The following CER1 variants were observed in gnomAD, a reference collection of about 807,000 sequenced individuals.
The protein encoded by CER1 is cerberus.
In CER1, 10 loss-of-function variants were observed where a neutral mutation model predicts 11.8. The ratio of observed to expected loss-of-function variants is 0.85; its 90% confidence interval spans 0.52 to 1.44. CER1 has a LOEUF of 1.44. CER1 is among the 40% of genes most tolerant of loss of function. The probability of loss-of-function intolerance (pLI) is 0.00; values close to 1 mark genes in which losing one functional copy is unlikely to be tolerated. For synonymous variants in CER1, 141 were observed against 122.3 expected (o/e 1.15, Z -1.01); for missense variants, 431 against 327.0 (o/e 1.32, Z -2.45).
rs1216496728 is a variant in CER1 at position 14,720,420 on chromosome 9, T to C, written c.508-34A>G. ...CAAACACATTTCCATTACGTTATTT[T>C]GAATTATTTCTTTAACACACATAAT... On this transcript the variant is annotated intron_variant, in intron 1 of 1. Coordinates refer to ENST00000380911, the MANE Select transcript of CER1 (RefSeq NM_005454.3). 1.9e-6 allele frequency: 3 copies of C among 1,575,788 alleles called. No homozygotes were observed. The African/African-American group carries it at 4.0e-5, about 21-fold the overall frequency.
Position 14,722,197 on chromosome 9 carries a change from C to G in CER1, c.476G>C (p.Trp159Ser). The G allele has an allele frequency of 2.5e-6, 4 of 1,614,200 alleles. No individual in the cohort carries two copies. The South Asian group carries it at 4.4e-5, about 18-fold the overall frequency. Residue 159 changes from tryptophan to serine, a missense_variant, in exon 1 of 2, where the codon TGG becomes TCG. Transcript: ENST00000380911. ...ILPIKSHEVH[W>S]ETCRTVPFSQ... Reference sequence around the variant, plus strand: ...GAAGGGCACTGTCCTGCAGGTCTCCCAATGTACTTCATGGCTTTTGATGGG... The same window carrying G: ...GAAGGGCACTGTCCTGCAGGTCTCCGAATGTACTTCATGGCTTTTGATGGG...
chr9:14,722,362 G>A lies in CER1; in HGVS notation c.311C>T (p.Pro104Leu), dbSNP rs776207656. The A allele has an allele frequency of 2.5e-6, 4 of 1,614,190 alleles. No homozygotes were observed. The highest frequency in any genetic ancestry group is 3.4e-6 in the Non-Finnish European group (4 of 1,180,034). ...GAGGGACTGGGTCCCAGGTGGGAAG[G>A]GCTCACTATCTGAGTCCCTGGATGG... is the stretch of plus-strand genomic sequence containing the variant. ...MHPSRDSDSE[P>L]FPPGTQSLIQ... The change falls in exon 1 of 2, where the codon CCC (proline) becomes CTC (leucine). Residue 104 changes from proline (P) to leucine (L), a missense_variant. Pro to Leu is a moderately conservative substitution (Grantham distance 98, BLOSUM62 -3). Coordinates refer to ENST00000380911, the MANE Select transcript of CER1 (RefSeq NM_005454.3).
chr9:14,722,517 C>G lies in CER1; in HGVS notation c.156G>C (p.Glu52Asp). 6.2e-7 allele frequency: 1 copy of G among 1,614,220 alleles called. No homozygotes were observed. Residue 52 changes from glutamate to aspartate, a missense_variant, in exon 1 of 2, where the codon GAG becomes GAC. Physicochemically the swap from Glu to Asp is conservative, Grantham distance 45. Coordinates refer to ENST00000380911, the MANE Select transcript of CER1 (RefSeq NM_005454.3). ...LPTGNHEEAE[E>D]KPDLFVAVPH... is the part of the protein sequence containing the mutation. Reference sequence around the variant, plus strand: ...GCACTGCGACAAACAGATCTGGCTTCTCCTCAGCTTCCTCATGGTTGCCTG... The same window carrying G: ...GCACTGCGACAAACAGATCTGGCTTGTCCTCAGCTTCCTCATGGTTGCCTG...
intron 1 of CER1, among the ~76,000 whole-genome samples, chr9:14,721,673 G>C (rs192256280): frequency 2.7e-4 from 41 of 152,230 alleles, no homozygotes; most frequent in Middle Eastern, 3.4e-3. Flanking sequence ...TGGGGATTAA[G>C]ACCATCGTAA....
Position 14,722,458 on chromosome 9 carries a change from C to G in CER1, c.215G>C (p.Gly72Ala). 2 of 1,614,214 alleles carry G rather than the reference C, an allele frequency of 1.2e-6. No individual in the cohort carries two copies. Among genetic ancestry groups the G allele is most frequent in the Middle Eastern group, 1.6e-4 (1 of 6,062 alleles). The change falls in exon 1 of 2, where the codon GGC becomes GCC. Residue 72 changes from glycine to alanine, a missense_variant. By Grantham distance (60) the Gly-to-Ala change is moderately conservative. Coordinates refer to ENST00000380911, the MANE Select transcript of CER1 (RefSeq NM_005454.3). ...HLVATSPAGE[G>A]QRQREKMLSR... ...CAGCATCTTCTCTCTCTGCCTCTGG[C>G]CTTCCCCTGCAGGGCTGGTGGCTAC... is the stretch of plus-strand genomic sequence containing the variant.
chr9:14,722,027 C>T, intron 1 of CER1, 139 bp downstream of exon 1: 1 of 986,156 alleles, frequency 1.0e-6, no homozygotes, highest in Non-Finnish European at 1.5e-6. Flanking sequence ...TTGCCAAATC[C>T]TATGATGAAT....
intron 1 of CER1, among the ~76,000 whole-genome samples, chr9:14,721,044 C>A (rs557171197): frequency 6.6e-6 from 1 of 152,226 alleles, no homozygotes; most frequent in Non-Finnish European, 1.5e-5. Flanking sequence ...AGAAGAATTT[C>A]AAAAGAAATT....
Position 14,719,926 on chromosome 9 carries a change from A to T in CER1, c.*164T>A. ...TGAGACAAGGTCTCAAACGTGTACC[A>T]ATAACTAGACTAATATCATTTCCTC... On this transcript the variant is annotated 3_prime_UTR_variant, in exon 2 of 2. Transcript: ENST00000380911. 1.6e-6 allele frequency: 1 copy of T among 642,660 alleles called. No individual in the cohort carries two copies. The highest frequency in any genetic ancestry group is 2.8e-5 in the East Asian group (1 of 36,200). The allele number at this position is 642,660 out of a possible 1,614,324, so 39.8% of individuals were successfully genotyped here.
chr9:14,720,412 C>G, intron 1 of CER1, 26 bp from the exon 2 acceptor site: 3 of 1,583,870 alleles, frequency 1.9e-6, no homozygotes, highest in Non-Finnish European at 2.6e-6. Flanking sequence ...ATTTCCATTA[C>G]GTTATTTTGA....
intron 1 of CER1, among the ~76,000 whole-genome samples, chr9:14,721,362 A>T (rs1039409630): frequency 1.4e-4 from 22 of 152,238 alleles, no homozygotes; most frequent in Admixed American, 6.5e-4. Flanking sequence ...AGACAGTAGG[A>T]TGTCCCTTTG....
downstream of CER1, among the ~76,000 whole-genome samples, chr9:14,718,978 A>G (rs1587560857): frequency 6.6e-6 from 1 of 152,052 alleles, no homozygotes; most frequent in Non-Finnish European, 1.5e-5. Flanking sequence ...AGAATGCTTC[A>G]TATACTAAAA....
Position 14,722,384 on chromosome 9 carries a change from A to G in CER1, c.289T>C (p.Ser97Pro). 1 of 1,614,134 alleles carries G rather than the reference A, an allele frequency of 6.2e-7. No individual in the cohort carries two copies. Residue 97 changes from serine to proline, a missense_variant, in exon 1 of 2, where the codon TCC (serine) becomes CCC (proline). By Grantham distance (74) the Ser-to-Pro change is moderately conservative. Transcript: ENST00000380911. ...WKKPEREMHP[S>P]RDSDSEPFPP... is the part of the protein sequence containing the mutation. ...AAGGGCTCACTATCTGAGTCCCTGG[A>G]TGGATGCATTTCTCTCTCAGGCTTC...
rs1297405766 is a variant in CER1 at position 14,722,203 on chromosome 9, A to T, written c.470T>A (p.Val157Glu). ...CACTGTCCTGCAGGTCTCCCAATGT[A>T]CTTCATGGCTTTTGATGGGCAAGAT... ...GVILPIKSHE[V>E]HWETCRTVPF... Residue 157 changes from valine to glutamate, a missense_variant, in exon 1 of 2, where the codon GTA (valine) becomes GAA (glutamate). Transcript: ENST00000380911. The T allele has an allele frequency of 6.2e-7, 1 of 1,613,950 alleles. No homozygotes were observed. The highest frequency in any genetic ancestry group is 8.5e-7 in the Non-Finnish European group (1 of 1,180,016).
chr9:14,722,015 C>T (rs1009692869), intron 1 of CER1, 151 bp downstream of exon 1: 1 of 890,668 alleles, frequency 1.1e-6, no homozygotes, highest in Non-Finnish European at 1.7e-6. Context: ...GAAACTTAAT[C>T]TTTGCCAAAT....
At position 14,722,153 on chromosome 9, in the gene CER1, C is replaced by A. The variant is rs1494357; in HGVS notation, c.507+13G>T. ...CTGCAAACTCTTACCTGCTCTCCCC[C>A]CAGAACACATACCTGGCTGAAGGGC... On this transcript the variant is annotated intron_variant, in intron 1 of 1. Transcript: ENST00000380911. The A allele has an allele frequency of 1.5e-5, 24 of 1,607,902 alleles. No homozygotes were observed. Among genetic ancestry groups the A allele is most frequent in the Middle Eastern group, 1.7e-4 (1 of 6,018 alleles).
chr9:14,720,182 C>G lies in CER1; in HGVS notation c.712G>C (p.Glu238Gln). 1 of 1,614,176 alleles carries G rather than the reference C, an allele frequency of 6.2e-7. No homozygotes were observed. Among genetic ancestry groups the G allele is most frequent in the African/African-American group, 1.3e-5 (1 of 75,046 alleles). Residue 238 changes from glutamate (E) to glutamine (Q), a missense_variant, in exon 2 of 2, where the codon GAG becomes CAG. Coordinates refer to ENST00000380911, the MANE Select transcript of CER1 (RefSeq NM_005454.3). ...SVIKVVMLVE[E>Q]CQCKVKTEHE... ...TCCGTCTTCACCTTGCACTGGCACT[C>G]CTCCACCAGCATCACCACCTTGATC...
intron 1 of CER1, 142 bp from the exon 2 acceptor site, chr9:14,720,528 GTGATGGTATCTA>G: frequency 1.3e-6 from 1 of 784,838 alleles, no homozygotes; most frequent in Non-Finnish European, 2.0e-6. Context: ...CAATATGCAA[GTGATGGTATCTA>G]TAAGGGCACA....
chr9:14,720,962 GC>G (rs1177569842), intron 1 of CER1, among the ~76,000 whole-genome samples: 1 of 152,130 alleles, frequency 6.6e-6, no homozygotes, highest in Non-Finnish European at 1.5e-5. Context: ...CAAGCACCTA[GC>G]TTTATATGCC....
chr9:14,719,208 C>G (rs1227288247), downstream of CER1, among the ~76,000 whole-genome samples: 2 of 152,062 alleles, frequency 1.3e-5, no homozygotes, highest in Non-Finnish European at 2.9e-5. Flanking sequence ...ATCTCTAAAC[C>G]TGGTAGTAGT....
Sources: gnomAD v4.1 joint callset for allele counts (sites outside exome capture counted in the v4.1 genomes callset) on GRCh38, gnomAD v4.1.1 for gene constraint, MANE v1.5 for transcripts, NCBI Gene and HGNC (gene_info 2026-07-23, HGNC 2026-07-21) for gene names.